SEMA3A: variants seen among roughly 807,000 people sequenced by gnomAD.
SEMA3A encodes the protein semaphorin 3A, also known as semaphorin-3A.
SEMA3A carries 29 observed loss-of-function variants against 97.9 expected under a neutral mutation model. The ratio of observed to expected loss-of-function variants is 0.30; its 90% CI spans 0.22 to 0.40. SEMA3A has a LOEUF of 0.40. SEMA3A is among the 10% of genes least tolerant of loss of function. The pLI is 1.00. For synonymous variants in SEMA3A, 321 were observed against 323.7 expected (o/e 0.99, Z 0.09); for missense variants, 763 against 951.3 (o/e 0.80, Z 2.60).
At chr7:84,071,759 GA>G (rs1490238748) in intron 4 of SEMA3A, among the ~76,000 whole-genome samples, 3 of 151,624 alleles carry the variant, frequency 2.0e-5, no homozygotes, top group African/African-American at 4.9e-5. Flanking sequence ...TTTTTTATTA[GA>G]TTTTTTTAAA....
chr7:84,143,809 A>AG (rs1796371550), intron 1 of SEMA3A, among the ~76,000 whole-genome samples: 6 of 152,052 alleles, frequency 3.9e-5, no homozygotes, highest in Admixed American at 3.3e-4. Flanking sequence ...CAAAAAAAAA[A>AG]AGAAAAGAAA....
chr7:84,128,781 A>G (rs1795872860), intron 3 of SEMA3A, among the ~76,000 whole-genome samples: 1 of 152,060 alleles, frequency 6.6e-6, no homozygotes, highest in Admixed American at 6.6e-5. Flanking sequence ...AAAATCTGAA[A>G]TTTTTTGAGC....
chr7:84,052,989 G>A (rs1792753805), intron 5 of SEMA3A, among the ~76,000 whole-genome samples: 2 of 150,722 alleles, frequency 1.3e-5, no homozygotes, highest in African/African-American at 4.9e-5. Context: ...TCATTCAGGA[G>A]CAGGTTGTCC....
intron 6 of SEMA3A, among the ~76,000 whole-genome samples, chr7:84,014,827 C>T (rs531511766): frequency 6.6e-6 from 1 of 152,146 alleles, no homozygotes; most frequent in African/African-American, 2.4e-5. Context: ...CCTGTCATTC[C>T]CCTTTCCTGT....
At chr7:84,331,736 T>C (rs1054466861) in intron 2 of SEMA3A, among the ~76,000 whole-genome samples, 2 of 152,024 alleles carry the variant, frequency 1.3e-5, no homozygotes, top group African/African-American at 2.4e-5. Flanking sequence ...TTTTAGACCT[T>C]GGCATTTCAG....
chr7:84,258,519 G>T (rs1228373507), intron 3 of SEMA3A, among the ~76,000 whole-genome samples: 1 of 151,214 alleles, frequency 6.6e-6, no homozygotes, highest in Non-Finnish European at 1.5e-5. Context: ...ATCCTTGTGG[G>T]AAAAAAAATG....
Position 84,092,968 on chromosome 7 carries a change from G to A in SEMA3A, c.453+17502C>T, listed in dbSNP as rs141080695. On this transcript the variant is annotated intron_variant, in intron 4 of 16. Coordinates refer to ENST00000265362, the MANE Select transcript of SEMA3A (RefSeq NM_006080.3). ...TACCAACCAAAAAAAAATCAAATGT[G>A]TTAAAATTACAGGATAATATTTGTT... 3.9e-3 allele frequency among the ~76,000 whole-genome samples: 596 copies of A among 152,050 alleles called. 3 individuals carry two copies. The highest frequency in any genetic ancestry group is 0.014 in the African/African-American group (569 of 41,484).
intron 6 of SEMA3A, among the ~76,000 whole-genome samples, chr7:84,022,512 A>G (rs1337667627): frequency 6.6e-6 from 1 of 152,212 alleles, no homozygotes; most frequent in African/African-American, 2.4e-5. Context: ...ATCTTTAATA[A>G]TGTATACAGC....
intron 1 of SEMA3A, among the ~76,000 whole-genome samples, chr7:84,430,668 G>A (rs1584320085): frequency 2.0e-5 from 3 of 151,964 alleles, no homozygotes; most frequent in Middle Eastern, 3.4e-3. Flanking sequence ...AGTAGGGTTC[G>A]TGGGATGAAT....
chr7:84,443,694 GCTAA>G (rs2116346185), intron 1 of SEMA3A, among the ~76,000 whole-genome samples: 1 of 152,170 alleles, frequency 6.6e-6, no homozygotes, highest in East Asian at 1.9e-4. Flanking sequence ...AAAAACTTTG[GCTAA>G]CTTTCTCAAA....
chr7:84,159,434 T>C (rs1434437907), intron 1 of SEMA3A, among the ~76,000 whole-genome samples: 1 of 152,206 alleles, frequency 6.6e-6, no homozygotes, highest in Admixed American at 6.5e-5. Flanking sequence ...AGTGATGTTT[T>C]TGGAAGCACT....
chr7:84,409,948 A>G (rs773868077), intron 1 of SEMA3A, among the ~76,000 whole-genome samples: 6 of 152,102 alleles, frequency 3.9e-5, no homozygotes, highest in Non-Finnish European at 8.8e-5. Flanking sequence ...ATAAATGTAA[A>G]TTTTACTTAA....
intron 4 of SEMA3A, among the ~76,000 whole-genome samples, chr7:84,102,958 G>T (rs3823911): frequency 0.43 from 65,143 of 151,202 alleles, 14,990 homozygotes; most frequent in Admixed American, 0.53. Flanking sequence ...TTGTATGGGG[G>T]TTTTTTTTGA....
At chr7:83,984,608 C>CCTT (rs1554384760) in intron 13 of SEMA3A, among the ~76,000 whole-genome samples, 1 of 98,880 alleles carries the variant, frequency 1.0e-5, no homozygotes, top group Non-Finnish European at 1.9e-5. Context: ...GATTTTTCTG[C>CCTT]TTTTTTTTTT....
At chr7:84,473,668 CA>C (rs1806210410) in intron 1 of SEMA3A, among the ~76,000 whole-genome samples, 9 of 152,044 alleles carry the variant, frequency 5.9e-5, no homozygotes, top group Admixed American at 5.9e-4. Context: ...GGTTTACAGG[CA>C]TGAGCCACTG....
At chr7:84,480,886 C>A (rs1234209316) in intron 1 of SEMA3A, among the ~76,000 whole-genome samples, 1 of 151,350 alleles carries the variant, frequency 6.6e-6, no homozygotes, top group Non-Finnish European at 1.5e-5. Context: ...GGGTAGCATA[C>A]CAAAAATAAA....
chr7:84,219,541 A>C (rs934764285), intron 3 of SEMA3A, among the ~76,000 whole-genome samples: 4 of 152,224 alleles, frequency 2.6e-5, no homozygotes, highest in Admixed American at 2.0e-4. Flanking sequence ...AGTGAGTCAT[A>C]CAATTTTTGT....
At chr7:84,328,297 C>T (rs1801816409) in intron 2 of SEMA3A, among the ~76,000 whole-genome samples, 4 of 151,890 alleles carry the variant, frequency 2.6e-5, no homozygotes, top group Non-Finnish European at 4.4e-5. Flanking sequence ...ATTTGCATTG[C>T]CACAATACCA....
chr7:84,449,283 T>C (rs533124153), intron 1 of SEMA3A, among the ~76,000 whole-genome samples: 1 of 152,168 alleles, frequency 6.6e-6, no homozygotes, highest in South Asian at 2.1e-4. Context: ...AAAGAAAAAG[T>C]ATGAAATCAC....
Sources: gnomAD v4.1 joint callset for allele counts (sites outside exome capture counted in the v4.1 genomes callset) on GRCh38, gnomAD v4.1.1 for gene constraint, MANE v1.5 for transcripts, NCBI Gene and HGNC (gene_info 2026-07-23, HGNC 2026-07-21) for gene names.